Variants in RIC1 observed in about 807,000 individuals in gnomAD.
The protein encoded by RIC1 is RIC1 partner of RAB6A GEF complex, also known as guanine nucleotide exchange factor subunit RIC1.
RIC1 carries 88 observed loss-of-function variants against 169.0 expected under a neutral mutation model. The ratio of observed to expected loss-of-function variants is 0.52; its 90% CI spans 0.44 to 0.62. RIC1 has a LOEUF of 0.62. Ranked by LOEUF, RIC1 falls within the 20% of genes least tolerant of loss-of-function variation. RIC1 has a pLI of 0.00. For missense variants in RIC1, 1,877 were observed against 1,725.5 expected (o/e 1.09, Z -1.56); for synonymous variants, 790 against 601.5 (o/e 1.31, Z -4.59).
At chr9:5,766,639 T>C (rs996715452) in intron 21 of RIC1, among the ~76,000 whole-genome samples, 2 of 152,210 alleles carry the variant, frequency 1.3e-5, no homozygotes, top group Admixed American at 6.5e-5. Context: ...AGAATAATAC[T>C]CTCCAATCTC....
chr9:5,715,291 T>C (rs1823163656), intron 4 of RIC1, among the ~76,000 whole-genome samples: 1 of 151,998 alleles, frequency 6.6e-6, no homozygotes, highest in Non-Finnish European at 1.5e-5. Context: ...GCTTTCTACC[T>C]CCACCTGGTG....
intron 7 of RIC1, 57 bp from the exon 8 acceptor site, chr9:5,738,393 T>C: frequency 8.2e-7 from 1 of 1,215,656 alleles, no homozygotes. Flanking sequence ...TCTATAATGC[T>C]TTTTCTATTT....
chr9:5,705,192 G>GGTTT (rs1554669982), intron 3 of RIC1, among the ~76,000 whole-genome samples: 18 of 113,396 alleles, frequency 1.6e-4, no homozygotes, highest in African/African-American at 5.1e-4. Flanking sequence ...TCCCATTTCT[G>GGTTT]TTTTTTTTTT....
chr9:5,723,691 G>C (rs1360702162), intron 6 of RIC1, among the ~76,000 whole-genome samples: 1 of 152,158 alleles, frequency 6.6e-6, no homozygotes, highest in Non-Finnish European at 1.5e-5. Flanking sequence ...TATGGTTTTA[G>C]GTCCAACATT....
intron 1 of RIC1, among the ~76,000 whole-genome samples, chr9:5,654,117 G>A (rs939810228): frequency 6.6e-6 from 1 of 151,934 alleles, no homozygotes; most frequent in Non-Finnish European, 1.5e-5. Context: ...TCCCACTTCA[G>A]CCTCCTGAGT....
In RIC1 at chr9:5,720,807, G is replaced by A; in HGVS notation, c.720+57G>A. 3 of 1,368,366 alleles carry A rather than the reference G, an allele frequency of 2.2e-6. 1 individual carries two copies. The South Asian group carries it at 4.6e-5, about 21-fold the overall frequency. The allele number at this position is 1,368,366 out of a possible 1,614,324, so 84.8% of individuals were successfully genotyped here. ...TTATTGTGTACTTATTTTATTCTTT[G>A]TTATCAAATTCTTCTCTATTTTCAT... On this transcript the variant is annotated intron_variant, in intron 6 of 25. Coordinates refer to ENST00000414202, the MANE Select transcript of RIC1 (RefSeq NM_020829.4).
chr9:5,677,919 A>G (rs1241815959), intron 2 of RIC1, among the ~76,000 whole-genome samples: 1 of 152,082 alleles, frequency 6.6e-6, no homozygotes, highest in African/African-American at 2.4e-5. Flanking sequence ...TTACATATGT[A>G]TACATGTGCC....
At chr9:5,748,300 C>T (rs1213948594) in intron 12 of RIC1, among the ~76,000 whole-genome samples, 1 of 152,122 alleles carries the variant, frequency 6.6e-6, no homozygotes, top group Non-Finnish European at 1.5e-5. Context: ...TACTTTGACT[C>T]TCTATATGTT....
downstream of RIC1, among the ~76,000 whole-genome samples, chr9:5,778,313 A>G (rs146686828): frequency 6.7e-4 from 102 of 152,296 alleles, no homozygotes; most frequent in Non-Finnish European, 1.2e-3. Context: ...AGGATTTTCT[A>G]CATTGAAGGT....
At chr9:5,703,332 AGCT>A (rs1464510331) in intron 3 of RIC1, among the ~76,000 whole-genome samples, 9 of 152,214 alleles carry the variant, frequency 5.9e-5, no homozygotes, top group Non-Finnish European at 1.0e-4. Context: ...TAATTCTTAA[AGCT>A]CCAAAATAAC....
chr9:5,677,432 T>C lies in RIC1; in HGVS notation c.253-12527T>C, dbSNP rs1417057912. On this transcript the variant is annotated intron_variant, in intron 2 of 25. Transcript: ENST00000414202. Reference sequence around the variant, plus strand: ...CATCTTGATATCTGTTCCAGTACAATTGGTTGAAAAGATTATCCCTTCTAC... The same window carrying C: ...CATCTTGATATCTGTTCCAGTACAACTGGTTGAAAAGATTATCCCTTCTAC... 4.6e-5 allele frequency among the ~76,000 whole-genome samples: 7 copies of C among 152,188 alleles called. No individual in the cohort carries two copies. The East Asian group carries it at 7.7e-4, about 17-fold the overall frequency.
chr9:5,676,704 T>C (rs1054754794), intron 2 of RIC1, among the ~76,000 whole-genome samples: 13 of 152,248 alleles, frequency 8.5e-5, no homozygotes, highest in African/African-American at 3.1e-4. Flanking sequence ...CTCTACTGTT[T>C]TAAGAATCCC....
Position 5,743,720 on chromosome 9 carries a change from C to A in RIC1, c.1078C>A (p.Leu360Ile), listed in dbSNP as rs753864671. Residue 360 changes from leucine to isoleucine, a missense_variant, in exon 10 of 26, where the codon CTT becomes ATT. This residue lies in a region of RIC1 where 1,104 missense variants were observed against 992.0 expected (regional missense o/e 1.11). Transcript: ENST00000414202. ...YRSDGTKKDP[L>I]KINSMSWGAE... Reference sequence around the variant, plus strand: ...GTCTGATGGCACCAAAAAAGATCCCCTTAAGATCAACTCTATGGTAAGTAC... The same window carrying A: ...GTCTGATGGCACCAAAAAAGATCCCATTAAGATCAACTCTATGGTAAGTAC... 6.2e-7 allele frequency: 1 copy of A among 1,610,458 alleles called. No individual in the cohort carries two copies.
rs530788478 is a variant in RIC1 at position 5,649,088 on chromosome 9, T to G, written c.145-7495T>G. ...AGGTAAAGGCTGCAATGAGCTATGA[T>G]TGTGCCACTTCACTCCAGCCTGGCA... is the stretch of plus-strand genomic sequence containing the variant. On this transcript the variant is annotated intron_variant, in intron 1 of 25. Coordinates refer to ENST00000414202, the MANE Select transcript of RIC1 (RefSeq NM_020829.4). Among the ~76,000 whole-genome samples, 3 of 152,274 alleles carry G rather than the reference T, an allele frequency of 2.0e-5. 1 individual carries two copies. In the South Asian group the frequency reaches 6.2e-4, roughly 32 times the overall value.
intron 4 of RIC1, 55 bp downstream of exon 4, chr9:5,714,058 C>T (rs1241054382): frequency 2.2e-5 from 24 of 1,115,114 alleles, no homozygotes; most frequent in Non-Finnish European, 2.8e-5. Context: ...CAATGTAGTT[C>T]GTAAATCCCA....
intron 10 of RIC1, among the ~76,000 whole-genome samples, chr9:5,744,802 G>A (rs1293749836): frequency 1.3e-5 from 2 of 152,092 alleles, no homozygotes; most frequent in African/African-American, 4.8e-5. Flanking sequence ...AAGAGTTTCT[G>A]TAGAAAACAG....
intron 1 of RIC1, among the ~76,000 whole-genome samples, chr9:5,653,405 C>G (rs764877939): frequency 1.3e-5 from 2 of 152,052 alleles, no homozygotes; most frequent in Non-Finnish European, 2.9e-5. Context: ...AGTTGCTAGT[C>G]TTGGTCTTTT....
At chr9:5,755,269 A>T (rs1825938404) in intron 15 of RIC1, among the ~76,000 whole-genome samples, 1 of 150,670 alleles carries the variant, frequency 6.6e-6, no homozygotes, top group South Asian at 2.1e-4. Flanking sequence ...ATTTACAGTA[A>T]CCCCTCCTTA....
chr9:5,685,685 C>G (rs980542292), intron 2 of RIC1, among the ~76,000 whole-genome samples: 1 of 150,926 alleles, frequency 6.6e-6, no homozygotes, highest in Non-Finnish European at 1.5e-5. Flanking sequence ...AGAAGAAAAC[C>G]TAGGCATTAC....
Sources: allele counts gnomAD v4.1 joint callset (sites outside exome capture counted in the v4.1 genomes callset), GRCh38; gene constraint gnomAD v4.1.1; regional missense constraint gnomAD v4.1.1; transcripts MANE v1.5; gene names NCBI Gene and HGNC (gene_info 2026-07-23, HGNC 2026-07-21).